Variants in ANKRD55 observed in about 807,000 individuals in gnomAD.
ANKRD55 encodes ankyrin repeat domain-containing protein 55.
A neutral mutation model predicts 60.6 loss-of-function variants in ANKRD55; 41 were observed. The ratio of observed to expected loss-of-function variants is 0.68; its 90% confidence interval spans 0.53 to 0.88. ANKRD55 has a LOEUF of 0.88. ANKRD55 is among the 40% of genes least tolerant of loss of function. The pLI is 0.00. For synonymous variants in ANKRD55, 264 were observed against 290.3 expected (o/e 0.91, Z 0.92); for missense variants, 732 against 767.6 (o/e 0.95, Z 0.55).
At chr5:56,216,519 C>A (rs1759814235) in intron 2 of ANKRD55, among the ~76,000 whole-genome samples, 1 of 152,196 alleles carries the variant, frequency 6.6e-6, no homozygotes, top group Non-Finnish European at 1.5e-5. Context: ...AGAAACAAGT[C>A]CTCTTGTGTC....
At chr5:56,226,051 T>C (rs1202846890) in intron 2 of ANKRD55, among the ~76,000 whole-genome samples, 1 of 152,158 alleles carries the variant, frequency 6.6e-6, no homozygotes, top group Non-Finnish European at 1.5e-5. Context: ...AGAACAAAGC[T>C]AGAGGCATCA....
intron 6 of ANKRD55, among the ~76,000 whole-genome samples, 199 bp downstream of exon 6, chr5:56,159,634 A>C (rs572103984): frequency 6.6e-6 from 1 of 152,352 alleles, no homozygotes; most frequent in East Asian, 1.9e-4. Flanking sequence ...TCCCTATCAG[A>C]AGCTACACAC....
chr5:56,106,125 T>C (rs937155787), intron 10 of ANKRD55, among the ~76,000 whole-genome samples: 1 of 152,202 alleles, frequency 6.6e-6, no homozygotes, highest in Non-Finnish European at 1.5e-5. Context: ...AAGCATTGGA[T>C]AGTGGCTGCC....
At chr5:56,166,286 C>T (rs977280757) in intron 5 of ANKRD55, among the ~76,000 whole-genome samples, 26 of 147,722 alleles carry the variant, frequency 1.8e-4, no homozygotes, top group African/African-American at 6.6e-4. Context: ...TCCTTCGGGT[C>T]TTGTGCTGTC....
chr5:56,188,439 C>G (rs1759024020), intron 2 of ANKRD55, among the ~76,000 whole-genome samples: 1 of 150,040 alleles, frequency 6.7e-6, no homozygotes, highest in African/African-American at 2.4e-5. Context: ...CCAATGTTTT[C>G]TGGTAGTTTC....
chr5:56,128,398 A>G (rs956265580), intron 7 of ANKRD55, among the ~76,000 whole-genome samples: 19 of 152,148 alleles, frequency 1.2e-4, no homozygotes, highest in Admixed American at 1.3e-4. Flanking sequence ...GTAAACTGAA[A>G]TAGAGGCTGC....
Position 56,206,347 on chromosome 5 carries a change from G to A in ANKRD55, c.59-22713C>T, listed in dbSNP as rs555688434. On this transcript the variant is annotated intron_variant, in intron 2 of 11. Transcript: ENST00000341048. ...TTTACTGACCCTTTAAAGTGTATGA[G>A]TATGCTTTCCGTACAGTCATAGATT... Among the ~76,000 whole-genome samples the A allele has an allele frequency of 5.3e-5, 8 of 152,244 alleles. No homozygotes were observed. The East Asian group carries it at 9.6e-4, about 18-fold the overall frequency.
chr5:56,112,367 T>TA (rs1170983426), intron 9 of ANKRD55, among the ~76,000 whole-genome samples: 1 of 151,572 alleles, frequency 6.6e-6, no homozygotes, highest in Non-Finnish European at 1.5e-5. Context: ...AAAGTACTTT[T>TA]AAAAAAAGTA....
chr5:56,119,312 T>A lies in ANKRD55; in HGVS notation c.798-2530A>T, dbSNP rs138895154. On this transcript the variant is annotated intron_variant, in intron 8 of 11. Transcript: ENST00000341048. ...GACAAATGCATTCTGCTAAGTGAAA[T>A]AAATCAAATAAATCAGTCTCAAAGG... Among the ~76,000 whole-genome samples, 264 of 152,250 alleles carry A rather than the reference T, an allele frequency of 1.7e-3. 1 individual carries two copies. Among genetic ancestry groups the A allele is most frequent in the African/African-American group, 5.9e-3 (246 of 41,548 alleles).
intron 2 of ANKRD55, among the ~76,000 whole-genome samples, chr5:56,191,836 T>C (rs561760600): frequency 1.3e-5 from 2 of 152,306 alleles, no homozygotes; most frequent in Admixed American, 1.3e-4. Flanking sequence ...TGAAGGAGCT[T>C]CCCTAGAAGT....
At position 56,166,201 on chromosome 5, in the gene ANKRD55, C is replaced by CCTTCCTTCCT. The variant is rs759875553; in HGVS notation, c.422+4492_422+4493insAGGAAGGAAG. On this transcript the variant is annotated intron_variant, in intron 5 of 11. Coordinates refer to ENST00000341048, the MANE Select transcript of ANKRD55 (RefSeq NM_024669.3). ...TCCTTCCTTCCTTCCTTCCTTCCTTCTCTCTCTCTCTCTCTCTTTCTTTCT... is the reference window on the plus strand; with the variant it reads ...TCCTTCCTTCCTTCCTTCCTTCCTTCCTTCCTTCCTTCTCTCTCTCTCTCTCTTTCTTTCT... Among the ~76,000 whole-genome samples the CCTTCCTTCCT allele has an allele frequency of 7.4e-3, 863 of 117,410 alleles. 35 individuals are homozygous for CCTTCCTTCCT. Among genetic ancestry groups the CCTTCCTTCCT allele is most frequent in the African/African-American group, 0.016 (428 of 26,926 alleles). The allele number at this position is 117,410 out of a possible 152,430, so 77.0% of individuals were successfully genotyped here. A position where few individuals can be genotyped will look rare whatever the true frequency, so the allele number is the denominator to read the frequency against.
chr5:56,102,372 C>T, intron 11 of ANKRD55, 122 bp downstream of exon 11: 1 of 604,414 alleles, frequency 1.7e-6, no homozygotes, highest in South Asian at 2.2e-5. Flanking sequence ...GCCGGGGCGA[C>T]AGCGCAAGAC....
rs1169386811 is a variant in ANKRD55 at position 56,166,163 on chromosome 5, TTCC to T, written c.422+4528_422+4530del. On this transcript the variant is annotated intron_variant, in intron 5 of 11. Transcript: ENST00000341048. ...CTTTCTTTCTTTCTTTCTTCTTTCC[TTCC>T]TTCCTTCCTTCCTTCCTTCCTTCCT... 4.2e-4 allele frequency among the ~76,000 whole-genome samples: 44 copies of T among 105,024 alleles called. 1 individual carries two copies. Among genetic ancestry groups the T allele is most frequent in the African/African-American group, 2.4e-3 (42 of 17,332 alleles). The allele number at this position is 105,024 out of a possible 152,430, so 68.9% of individuals were successfully genotyped here.
At chr5:56,181,392 T>C (rs904633930) in intron 3 of ANKRD55, among the ~76,000 whole-genome samples, 1 of 152,192 alleles carries the variant, frequency 6.6e-6, no homozygotes, top group African/African-American at 2.4e-5. Flanking sequence ...CTCTCGTCTA[T>C]TCCTATTTTT....
intron 2 of ANKRD55, among the ~76,000 whole-genome samples, chr5:56,229,085 C>T (rs1303259445): frequency 6.8e-6 from 1 of 146,960 alleles, no homozygotes; most frequent in African/African-American, 2.6e-5. Flanking sequence ...CCCGCCGACC[C>T]CTCGCCTGTT....
intron 7 of ANKRD55, 192 bp from the exon 8 acceptor site, chr5:56,127,298 G>T: frequency 3.0e-6 from 3 of 985,390 alleles, no homozygotes; most frequent in Non-Finnish European, 3.6e-6. Flanking sequence ...GTGTCCACTT[G>T]TCTCAAGTCA....
intron 8 of ANKRD55, among the ~76,000 whole-genome samples, chr5:56,126,457 G>T (rs996435619): frequency 6.6e-6 from 1 of 152,230 alleles, no homozygotes; most frequent in East Asian, 1.9e-4. Flanking sequence ...ATACATCTTT[G>T]ATGATCGAAA....
chr5:56,104,826 G>C (rs1336088681), intron 10 of ANKRD55, among the ~76,000 whole-genome samples: 1 of 152,088 alleles, frequency 6.6e-6, no homozygotes, highest in African/African-American at 2.4e-5. Context: ...TGGTTTTGAA[G>C]CTCCATGAGT....
At chr5:56,160,873 G>C (rs1201637460) in intron 5 of ANKRD55, 3 of 152,182 alleles carry the variant, frequency 2.0e-5, no homozygotes, top group African/African-American at 7.2e-5. Flanking sequence ...GAGGGGCCCG[G>C]GCTCTGCAGC....
Sources: gnomAD v4.1 joint callset for allele counts (sites outside exome capture counted in the v4.1 genomes callset) on GRCh38, gnomAD v4.1.1 for gene constraint, MANE v1.5 for transcripts, NCBI Gene and HGNC (gene_info 2026-07-23, HGNC 2026-07-21) for gene names.